TPRG1: variants seen among roughly 807,000 people sequenced by gnomAD.
The protein encoded by TPRG1 is tumor protein p63 regulated 1.
TPRG1 carries 29 observed loss-of-function variants against 29.3 expected under a neutral mutation model. The observed-to-expected ratio is 0.99, with a 90% CI of 0.74 to 1.35. TPRG1 has a LOEUF of 1.35. Ranked by LOEUF, TPRG1 falls within the 40% of genes most tolerant of loss-of-function variation. The probability of loss-of-function intolerance (pLI) is 0.00; values close to 1 mark genes in which losing one functional copy is unlikely to be tolerated. For synonymous variants in TPRG1, 130 were observed against 116.8 expected (o/e 1.11, Z -0.73); for missense variants, 327 against 335.0 (o/e 0.98, Z 0.19).
intron 1 of TPRG1, among the ~76,000 whole-genome samples, chr3:189,184,573 A>G (rs946874300): frequency 6.6e-6 from 1 of 152,232 alleles, no homozygotes; most frequent in Admixed American, 6.5e-5. Flanking sequence ...GGTCTACAAC[A>G]TAATAAGAAA....
At chr3:189,053,489 C>T (rs191866216) in intron 4 of TPRG1, among the ~76,000 whole-genome samples, 3 of 152,278 alleles carry the variant, frequency 2.0e-5, no homozygotes, top group East Asian at 1.9e-4. Context: ...TCACTGCATA[C>T]GGACAATAAG....
At chr3:189,276,795 G>A (rs973582246) in intron 4 of TPRG1, among the ~76,000 whole-genome samples, 1 of 152,020 alleles carries the variant, frequency 6.6e-6, no homozygotes, top group Non-Finnish European at 1.5e-5. Flanking sequence ...ACATATACAT[G>A]CCCCCTTAAG....
intron 4 of TPRG1, among the ~76,000 whole-genome samples, chr3:189,300,717 G>T (rs770139510): frequency 1.3e-5 from 2 of 152,156 alleles, no homozygotes; most frequent in Non-Finnish European, 2.9e-5. Flanking sequence ...ACATATTCCT[G>T]GTCCAGACCT....
At chr3:189,250,850 T>C (rs1282916036) in intron 4 of TPRG1, among the ~76,000 whole-genome samples, 1 of 151,914 alleles carries the variant, frequency 6.6e-6, no homozygotes, top group East Asian at 1.9e-4. Flanking sequence ...CCTTGTGCTG[T>C]TTGACCTTCA....
chr3:189,026,580 C>T (rs1288542867), intron 4 of TPRG1, among the ~76,000 whole-genome samples: 1 of 152,072 alleles, frequency 6.6e-6, no homozygotes, highest in Non-Finnish European at 1.5e-5. Flanking sequence ...AAAATCAAAA[C>T]CATGTTTTGG....
rs1023549862 is a variant in TPRG1 at position 189,211,246 on chromosome 3, G to A, written c.210+3652G>A. Among the ~76,000 whole-genome samples the A allele has an allele frequency of 8.5e-5, 13 of 152,094 alleles. No homozygotes were observed. In the East Asian group the frequency reaches 2.5e-3, roughly 29 times the overall value. ...ATATACTATAATTTATTTAACTTTT[G>A]TTGTATATGTAGGTTTCTTACTGTT... On this transcript the variant is annotated intron_variant, in intron 2 of 5. Transcript: ENST00000345063.
At chr3:189,151,558 G>A (rs1190124493) in intron 5 of TPRG1, among the ~76,000 whole-genome samples, 1 of 152,048 alleles carries the variant, frequency 6.6e-6, no homozygotes, top group Non-Finnish European at 1.5e-5. Context: ...TAAGCACAAA[G>A]TAATACCTTA....
chr3:189,146,946 C>T (rs1725342294), intron 3 of TPRG1, among the ~76,000 whole-genome samples: 1 of 152,196 alleles, frequency 6.6e-6, no homozygotes, highest in African/African-American at 2.4e-5. Flanking sequence ...AGGTACTGCA[C>T]TAAACACTTT....
rs568648310 is a variant in TPRG1, at chr3:189,123,049, C to T, written c.-743-4008C>T. ...ATAAATAATAGCTGAAATGAGTGAGCTTGCCTTCTCACTTCAGTCCAGTGG... is the reference window on the plus strand; with the variant it reads ...ATAAATAATAGCTGAAATGAGTGAGTTTGCCTTCTCACTTCAGTCCAGTGG... On this transcript the variant is annotated intron_variant, in intron 1 of 6. Transcript: ENST00000412373. Among the ~76,000 whole-genome samples, 19 of 152,310 alleles carry T rather than the reference C, an allele frequency of 1.2e-4. No homozygotes were observed. In the East Asian group the frequency reaches 2.7e-3, roughly 22 times the overall value.
intron 4 of TPRG1, among the ~76,000 whole-genome samples, chr3:189,275,104 A>G (rs1715899654): frequency 6.6e-6 from 1 of 152,060 alleles, no homozygotes; most frequent in Admixed American, 6.6e-5. Flanking sequence ...GAACAGAATC[A>G]CCTGCAGTGA....
chr3:189,154,467 A>G (rs1352402595), intron 5 of TPRG1, among the ~76,000 whole-genome samples: 4 of 149,470 alleles, frequency 2.7e-5, no homozygotes, highest in Non-Finnish European at 4.4e-5. Context: ...TTTGACATGG[A>G]GTCTTGCACT....
rs75070590 is a variant in TPRG1, at chr3:189,282,599, C to T, written c.480-27787C>T. Among the ~76,000 whole-genome samples the T allele has an allele frequency of 9.9e-4, 151 of 152,220 alleles. 2 individuals are homozygous for T. The highest frequency in any genetic ancestry group is 3.5e-3 in the African/African-American group (145 of 41,528). On this transcript the variant is annotated intron_variant, in intron 4 of 5. Transcript: ENST00000345063. ...TCCCTTTCCTCTATTCCTCTCTCTG[C>T]CTTTCTTTCATAACTGCTTTAATAA...
chr3:189,310,311 C>T, intron 4 of TPRG1, 75 bp from the exon 5 acceptor site: 1 of 1,298,516 alleles, frequency 7.7e-7, no homozygotes, highest in Non-Finnish European at 1.0e-6. Context: ...TGAAGGCTGA[C>T]TGATGTATTA....
Position 189,207,766 on chromosome 3 carries a change from T to G in TPRG1, c.210+172T>G, listed in dbSNP as rs565197435. Among the ~76,000 whole-genome samples, 6 of 152,300 alleles carry G rather than the reference T, an allele frequency of 3.9e-5. No individual in the cohort carries two copies. In the South Asian group the frequency reaches 1.2e-3, roughly 32 times the overall value. On this transcript the variant is annotated intron_variant, in intron 2 of 5. Transcript: ENST00000345063. Reference sequence around the variant, plus strand: ...TATTTAAAGATGAAGGATCTGAACTTTAGAGAATTTAAAGATCTATGTTTG... The same window carrying G: ...TATTTAAAGATGAAGGATCTGAACTGTAGAGAATTTAAAGATCTATGTTTG...
At chr3:189,311,981 G>C (rs969639070) in intron 5 of TPRG1, among the ~76,000 whole-genome samples, 5 of 152,124 alleles carry the variant, frequency 3.3e-5, no homozygotes, top group African/African-American at 1.2e-4. Flanking sequence ...AGACTTCTCT[G>C]TTTCTAGAAG....
intron 4 of TPRG1, among the ~76,000 whole-genome samples, chr3:189,269,071 A>G (rs1714628955): frequency 6.6e-6 from 1 of 152,000 alleles, no homozygotes; most frequent in African/African-American, 2.4e-5. Context: ...CTTTAGAAAT[A>G]CAAGAGTTAA....
At chr3:189,008,350 A>G (rs1578185079) in intron 3 of TPRG1, among the ~76,000 whole-genome samples, 1 of 152,142 alleles carries the variant, frequency 6.6e-6, no homozygotes, top group East Asian at 1.9e-4. Context: ...ACATCTTTTA[A>G]AACTCTTCAT....
chr3:189,076,923 C>CATATATATATATATATAT (rs150949911), intron 4 of TPRG1, among the ~76,000 whole-genome samples: 28 of 140,620 alleles, frequency 2.0e-4, no homozygotes, highest in Admixed American at 5.6e-4. Flanking sequence ...TATATGTGTA[C>CATATATATATATATATAT]ATATATATAT....
chr3:189,152,643 C>CTCCATTATTATTAAAAA (rs1726099687), intron 5 of TPRG1, among the ~76,000 whole-genome samples: 1 of 146,110 alleles, frequency 6.8e-6, no homozygotes, highest in Non-Finnish European at 1.5e-5. Flanking sequence ...GATTCCTACC[C>CTCCATTATTATTAAAAA]GCCATTATTA....
Sources: allele counts gnomAD v4.1 joint callset (sites outside exome capture counted in the v4.1 genomes callset), GRCh38; gene constraint gnomAD v4.1.1; transcripts MANE v1.5; gene names NCBI Gene and HGNC (gene_info 2026-07-23, HGNC 2026-07-21).